CTTNBP2: variants seen among roughly 807,000 people sequenced by gnomAD.
The protein encoded by CTTNBP2 is cortactin binding protein 2.
Under a neutral mutation model 156.9 loss-of-function variants are expected in CTTNBP2, and 108 were observed. That is an observed-to-expected ratio of 0.69 (90% CI 0.59 to 0.81). The LOEUF (loss-of-function observed/expected upper bound fraction) is 0.81. Ranked by LOEUF, CTTNBP2 falls within the 30% of genes least tolerant of loss-of-function variation. The pLI is 0.00. For missense variants in CTTNBP2, 1,924 were observed against 2,035.4 expected (o/e 0.95, Z 1.05); for synonymous variants, 767 against 751.8 (o/e 1.02, Z -0.33).
intron 2 of CTTNBP2, among the ~76,000 whole-genome samples, chr7:117,842,345 C>T (rs1181186652): frequency 6.6e-6 from 1 of 152,062 alleles, no homozygotes; most frequent in Admixed American, 6.5e-5. Context: ...GGATTACAGG[C>T]ACCTGCCACC....
intron 12 of CTTNBP2, chr7:117,755,713 A>G (rs947031498): frequency 2.1e-5 from 7 of 329,950 alleles, no homozygotes; most frequent in East Asian, 1.9e-4. Context: ...TTTTACATTT[A>G]TAATTTGCTA....
chr7:117,725,302 A>G (rs369702360), intron 17 of CTTNBP2, 45 bp from the exon 18 acceptor site: 105 of 1,541,732 alleles, frequency 6.8e-5, no homozygotes, highest in Non-Finnish European at 9.1e-5. Flanking sequence ...CAGGCTTCTC[A>G]ATAATTATAC....
intron 7 of CTTNBP2, among the ~76,000 whole-genome samples, chr7:117,779,045 G>C (rs1798260687): frequency 6.6e-6 from 1 of 152,086 alleles, no homozygotes; most frequent in African/African-American, 2.4e-5. Context: ...CTCTGGTTTG[G>C]TATCTCATAC....
intron 12 of CTTNBP2, among the ~76,000 whole-genome samples, chr7:117,746,692 G>T (rs1796352327): frequency 6.6e-6 from 1 of 152,090 alleles, no homozygotes; most frequent in Admixed American, 6.5e-5. Context: ...ATCAGATAAT[G>T]TCTTTGTGTT....
intron 2 of CTTNBP2, among the ~76,000 whole-genome samples, chr7:117,850,392 T>A (rs1335100173): frequency 6.6e-6 from 1 of 152,218 alleles, no homozygotes; most frequent in African/African-American, 2.4e-5. Flanking sequence ...CTATATTCAT[T>A]GGTACAAAAC....
chr7:117,866,925 C>T (rs1227179535), intron 1 of CTTNBP2, among the ~76,000 whole-genome samples: 1 of 152,112 alleles, frequency 6.6e-6, no homozygotes, highest in African/African-American at 2.4e-5. Flanking sequence ...TCTATGTAAG[C>T]AAGATTTATG....
In CTTNBP2 at chr7:117,760,529, A is replaced by G. The variant is rs761262608; in HGVS notation, c.3078T>C (p.Ser1026=). The change falls in exon 10 of 23, where the codon TCT becomes TCC. Residue 1026 remains serine, a synonymous_variant. Transcript: ENST00000160373. Reference sequence around the variant, plus strand: ...CGTCTTCCAGACTCCACCATCCATCAGAAGAGATTGCCTGGAAATGATTTG... The same window carrying G: ...CGTCTTCCAGACTCCACCATCCATCGGAAGAGATTGCCTGGAAATGATTTG... ...ALTNHFQAIS[S]DGWWSLEDVT... 1 of 1,614,184 alleles carries G rather than the reference A, an allele frequency of 6.2e-7. No homozygotes were observed. The highest frequency in any genetic ancestry group is 8.5e-7 in the Non-Finnish European group (1 of 1,180,002).
At chr7:117,733,830 T>C (rs1202833393) in intron 16 of CTTNBP2, among the ~76,000 whole-genome samples, 5 of 152,088 alleles carry the variant, frequency 3.3e-5, no homozygotes, top group Admixed American at 2.0e-4. Flanking sequence ...TCTAACACAA[T>C]AGACACAGAA....
chr7:117,843,975 C>A (rs1400938028), intron 2 of CTTNBP2, among the ~76,000 whole-genome samples: 2 of 152,040 alleles, frequency 1.3e-5, no homozygotes, highest in African/African-American at 4.8e-5. Context: ...TCAAATGTAA[C>A]AGCAAGGGTC....
intron 14 of CTTNBP2, among the ~76,000 whole-genome samples, chr7:117,739,044 C>T (rs1415663412): frequency 6.6e-6 from 1 of 152,182 alleles, no homozygotes; most frequent in African/African-American, 2.4e-5. Context: ...AACAGCACAG[C>T]TTTCTTTGGG....
intron 9 of CTTNBP2, among the ~76,000 whole-genome samples, chr7:117,763,669 TC>T (rs752935467): frequency 6.6e-4 from 98 of 148,640 alleles, no homozygotes; most frequent in Admixed American, 9.5e-4. Flanking sequence ...CAGGTAATCC[TC>T]TCACCTCAGC....
rs1799045483 is a variant in CTTNBP2 at position 117,791,923 on chromosome 7, T to C, written c.1273A>G (p.Met425Val). Residue 425 changes from methionine (M) to valine (V), a missense_variant, in exon 4 of 23, where the codon ATG becomes GTG. Met to Val is a conservative substitution (Grantham distance 21, BLOSUM62 1). Coordinates refer to ENST00000160373, the MANE Select transcript of CTTNBP2 (RefSeq NM_033427.3). ...GCACATGGTGAATGTAAACTGTGCA[T>C]AGGTGGAGCTTGCGAGTTCTGAGGA... ...IAPQNSQAPP[M>V]HSLHSPCANT... The C allele has an allele frequency of 1.2e-6, 2 of 1,614,126 alleles. No homozygotes were observed. The highest frequency in any genetic ancestry group is 1.1e-5 in the South Asian group (1 of 91,078).
At chr7:117,734,837 T>G (rs1163970180) in intron 16 of CTTNBP2, 76 bp downstream of exon 16, 2 of 1,193,258 alleles carry the variant, frequency 1.7e-6, no homozygotes, top group Non-Finnish European at 2.3e-6. Flanking sequence ...TAGTGAGTGG[T>G]GGAACTCAAG....
intron 22 of CTTNBP2, among the ~76,000 whole-genome samples, chr7:117,713,191 C>T (rs1794157263): frequency 6.6e-6 from 1 of 152,152 alleles, no homozygotes; most frequent in Non-Finnish European, 1.5e-5. Context: ...AACCAGTCTC[C>T]AGTGCCAAAA....
intron 16 of CTTNBP2, among the ~76,000 whole-genome samples, chr7:117,729,095 C>T (rs1584907203): frequency 6.6e-6 from 1 of 152,166 alleles, no homozygotes; most frequent in South Asian, 2.1e-4. Context: ...CCCAGGGAAA[C>T]GTTACTTTTT....
chr7:117,806,620 T>C (rs991597037), intron 3 of CTTNBP2, among the ~76,000 whole-genome samples: 1 of 152,172 alleles, frequency 6.6e-6, no homozygotes, highest in African/African-American at 2.4e-5. Flanking sequence ...GTGGCTAACA[T>C]TCAGTGATCT....
At chr7:117,745,031 A>G (rs1358401125) in intron 14 of CTTNBP2, among the ~76,000 whole-genome samples, 1 of 152,200 alleles carries the variant, frequency 6.6e-6, no homozygotes, top group Non-Finnish European at 1.5e-5. Flanking sequence ...CTAGGAGACT[A>G]AAGTCTGGTC....
chr7:117,803,329 G>A (rs1799739599), intron 3 of CTTNBP2, among the ~76,000 whole-genome samples: 3 of 152,228 alleles, frequency 2.0e-5, no homozygotes, highest in Middle Eastern at 3.4e-3. Context: ...CTTGTAAGTA[G>A]AAGCTAAACA....
In CTTNBP2 at chr7:117,760,642, A is replaced by C. The variant is rs1250469517; in HGVS notation, c.2965T>G (p.Leu989Val). Residue 989 changes from leucine (L) to valine (V), a missense_variant, in exon 10 of 23, where the codon TTG (leucine) becomes GTG (valine). Coordinates refer to ENST00000160373, the MANE Select transcript of CTTNBP2 (RefSeq NM_033427.3). ...IEPSNYGSDD[L>V]ECENTICALN... ...GCACATATTGTGTTTTCACATTCCAAGTCATCAGAACCATAGTTGCTTGGT... is the reference window on the plus strand; with the variant it reads ...GCACATATTGTGTTTTCACATTCCACGTCATCAGAACCATAGTTGCTTGGT... 6.2e-7 allele frequency: 1 copy of C among 1,613,938 alleles called. No individual in the cohort carries two copies. Among genetic ancestry groups the C allele is most frequent in the Non-Finnish European group, 8.5e-7 (1 of 1,179,798 alleles).
Sources: gnomAD v4.1 joint callset for allele counts (sites outside exome capture counted in the v4.1 genomes callset) on GRCh38, gnomAD v4.1.1 for gene constraint, MANE v1.5 for transcripts, NCBI Gene and HGNC (gene_info 2026-07-23, HGNC 2026-07-21) for gene names.